The following PAPPA2 variants were observed in gnomAD, a reference collection of about 807,000 sequenced individuals.
The protein encoded by PAPPA2 is pappalysin-2.
PAPPA2 carries 86 observed loss-of-function variants against 176.4 expected under a neutral mutation model. That is an observed-to-expected ratio of 0.49 (90% CI 0.41 to 0.58). The LOEUF is 0.58. PAPPA2 is among the 20% of genes least tolerant of loss of function. The pLI, the probability that PAPPA2 is intolerant of heterozygous loss-of-function variation, is 0.00. For synonymous variants in PAPPA2, 809 were observed against 852.2 expected (o/e 0.95, Z 0.88); for missense variants, 2,073 against 2,256.9 (o/e 0.92, Z 1.65).
At chr1:176,761,481 G>T (rs1663698745) in intron 14 of PAPPA2, among the ~76,000 whole-genome samples, 2 of 152,240 alleles carry the variant, frequency 1.3e-5, no homozygotes, top group African/African-American at 4.8e-5. Context: ...AGGACATCGT[G>T]CAGACAGCAG....
At chr1:176,483,455 G>T (rs955537958) in intron 1 of PAPPA2, among the ~76,000 whole-genome samples, 2 of 131,616 alleles carry the variant, frequency 1.5e-5, no homozygotes, top group African/African-American at 2.7e-5. Context: ...GTGAAACTCA[G>T]ACATCTTTTT....
At chr1:176,616,482 T>C (rs1655264521) in intron 3 of PAPPA2, 1 of 797,738 alleles carries the variant, frequency 1.3e-6, no homozygotes, top group East Asian at 3.0e-5. Context: ...TACAATGCAA[T>C]TAACAGCAAT....
chr1:176,762,512 C>T (rs1281147693), intron 14 of PAPPA2, among the ~76,000 whole-genome samples: 1 of 152,180 alleles, frequency 6.6e-6, no homozygotes, highest in Non-Finnish European at 1.5e-5. Context: ...GCTCTTTTCA[C>T]CCTGACTTCT....
intron 15 of PAPPA2, 81 bp from the exon 16 acceptor site, chr1:176,769,526 C>A: frequency 7.0e-7 from 1 of 1,425,400 alleles, no homozygotes; most frequent in Non-Finnish European, 9.7e-7. Context: ...CAGATAATCA[C>A]CAAGACTCTT....
At chr1:176,794,038 A>G (rs1665308289) in intron 20 of PAPPA2, among the ~76,000 whole-genome samples, 2 of 152,274 alleles carry the variant, frequency 1.3e-5, no homozygotes, top group South Asian at 4.1e-4. Flanking sequence ...CAACAGAGCG[A>G]GACTCCATCT....
At chr1:176,809,734 C>T (rs961717255) in intron 21 of PAPPA2, among the ~76,000 whole-genome samples, 14 of 151,956 alleles carry the variant, frequency 9.2e-5, no homozygotes, top group African/African-American at 3.1e-4. Flanking sequence ...ACTAACAAGT[C>T]GTAATTGAGG....
chr1:176,556,747 G>A lies in PAPPA2; in HGVS notation c.425G>A (p.Gly142Glu). ...CCTATTGGGCAATCTGAGCTGCTGG[G>A]AGATGATGACGCTTATCTCGGCAAT... ...DSPIGQSELL[G>E]DDDAYLGNQR... The change falls in exon 2 of 23, where the codon GGA becomes GAA. Residue 142 changes from glycine to glutamate, a missense_variant. Around this residue, in one of 4 missense-constraint regions of PAPPA2, gnomAD observed 1,196 missense variants for 1,330.4 expected, o/e 0.90. Transcript: ENST00000367662. 1 of 1,614,146 alleles carries A rather than the reference G, an allele frequency of 6.2e-7. No homozygotes were observed. Among genetic ancestry groups the A allele is most frequent in the African/African-American group, 1.3e-5 (1 of 75,038 alleles).
chr1:176,606,641 T>G (rs1291428646), intron 3 of PAPPA2, among the ~76,000 whole-genome samples: 1 of 151,922 alleles, frequency 6.6e-6, no homozygotes, highest in Non-Finnish European at 1.5e-5. Context: ...ATTTTTGTAT[T>G]TTTAGTAGAG....
At chr1:176,508,068 T>A (rs570811578) in intron 1 of PAPPA2, among the ~76,000 whole-genome samples, 7 of 152,252 alleles carry the variant, frequency 4.6e-5, no homozygotes, top group Admixed American at 4.6e-4. Context: ...ATCCTTATAG[T>A]AAAGGCTACT....
At chr1:176,550,696 A>G (rs561135058) in intron 1 of PAPPA2, among the ~76,000 whole-genome samples, 2 of 152,352 alleles carry the variant, frequency 1.3e-5, no homozygotes, top group East Asian at 3.9e-4. Context: ...ATAATTTATA[A>G]TGGTAATTGT....
At chr1:176,830,375 G>A (rs1667039266) in intron 21 of PAPPA2, among the ~76,000 whole-genome samples, 7 of 152,156 alleles carry the variant, frequency 4.6e-5, no homozygotes, top group Admixed American at 3.9e-4. Flanking sequence ...TATTCATTAA[G>A]CACATATTGT....
Position 176,647,487 on chromosome 1 carries a change from C to T in PAPPA2, c.1992-23483C>T, listed in dbSNP as rs140755210. Among the ~76,000 whole-genome samples, 465 of 151,632 alleles carry T rather than the reference C, an allele frequency of 3.1e-3. 6 individuals carry two copies. Among genetic ancestry groups the T allele is most frequent in the Non-Finnish European group, 3.8e-3 (260 of 67,628 alleles). On this transcript the variant is annotated intron_variant, in intron 3 of 22. Coordinates refer to ENST00000367662, the MANE Select transcript of PAPPA2 (RefSeq NM_020318.3). ...GGGTGTGACTCAAGAAATCTTAGCC[C>T]AGTCCAATGCCATGAAAAATTTTGT...
chr1:176,626,707 G>A (rs1193818221), intron 3 of PAPPA2, among the ~76,000 whole-genome samples: 2 of 152,114 alleles, frequency 1.3e-5, no homozygotes, highest in Admixed American at 1.3e-4. Context: ...TTTGAGGGAT[G>A]GGGAAAAGAA....
chr1:176,487,892 T>C (rs779019450), intron 1 of PAPPA2, among the ~76,000 whole-genome samples: 8 of 152,164 alleles, frequency 5.3e-5, no homozygotes, highest in Non-Finnish European at 1.0e-4. Context: ...TAAACTGAAA[T>C]ACTGAGTTAA....
At position 176,599,371 on chromosome 1, in the gene PAPPA2, C is replaced by T. The variant is rs1654172410; in HGVS notation, c.1991+3776C>T. Among the ~76,000 whole-genome samples, 7 of 152,074 alleles carry T rather than the reference C, an allele frequency of 4.6e-5. No homozygotes were observed. In the South Asian group the frequency reaches 1.4e-3, roughly 31 times the overall value. Reference sequence around the variant, plus strand: ...ATGCCCCTGGTCTCTGGAAAAATCTCTTAAACTGTTACTTTGATATTTCTT... The same window carrying T: ...ATGCCCCTGGTCTCTGGAAAAATCTTTTAAACTGTTACTTTGATATTTCTT... On this transcript the variant is annotated intron_variant, in intron 3 of 22. Transcript: ENST00000367662.
chr1:176,820,800 A>G (rs554890132), intron 21 of PAPPA2, among the ~76,000 whole-genome samples: 7 of 110,166 alleles, frequency 6.4e-5, no homozygotes, highest in African/African-American at 1.3e-4. Context: ...AAAGCTGGGG[A>G]AAAAAAAGTA....
chr1:176,800,563 G>C (rs1031219798), intron 21 of PAPPA2, among the ~76,000 whole-genome samples: 2 of 152,044 alleles, frequency 1.3e-5, no homozygotes, highest in South Asian at 4.2e-4. Flanking sequence ...ATTCATATGT[G>C]CATATATAAC....
At chr1:176,825,383 G>A (rs949515724) in intron 21 of PAPPA2, among the ~76,000 whole-genome samples, 1 of 152,196 alleles carries the variant, frequency 6.6e-6, no homozygotes, top group African/African-American at 2.4e-5. Flanking sequence ...GGTTCATAAA[G>A]TAGCAAACTT....
chr1:176,597,135 A>T lies in PAPPA2; in HGVS notation c.1991+1540A>T, dbSNP rs144142770. On this transcript the variant is annotated intron_variant, in intron 3 of 22. Transcript: ENST00000367662. ...CAAGCATGTGGTATCAAAAATCGAG[A>T]ATACAATTTGGAATCAAGGGACATG... Among the ~76,000 whole-genome samples, 1,096 of 152,296 alleles carry T rather than the reference A, an allele frequency of 7.2e-3. 21 individuals carry two copies. Among genetic ancestry groups the T allele is most frequent in the African/African-American group, 0.024 (999 of 41,556 alleles).
Sources: gnomAD v4.1 joint callset for allele counts (sites outside exome capture counted in the v4.1 genomes callset) on GRCh38, gnomAD v4.1.1 for gene constraint, gnomAD v4.1.1 regional missense constraint, MANE v1.5 for transcripts, NCBI Gene and HGNC (gene_info 2026-07-23, HGNC 2026-07-21) for gene names.